Variants in PIBF1 observed in about 807,000 individuals in gnomAD.
PIBF1 encodes progesterone immunomodulatory binding factor 1, also known as progesterone-induced-blocking factor 1.
A neutral mutation model predicts 112.5 loss-of-function variants in PIBF1; 90 were observed. That is an observed-to-expected ratio of 0.80 (90% CI 0.67 to 0.95). The LOEUF (loss-of-function observed/expected upper bound fraction) is 0.95, where lower values mean the gene tolerates loss of function less well. Ranked by LOEUF, PIBF1 falls within the 40% of genes least tolerant of loss-of-function variation. PIBF1 has a pLI of 0.00. For missense variants in PIBF1, 915 were observed against 852.3 expected, an observed-to-expected ratio of 1.07 and a Z score of -0.92; for synonymous variants, 301 against 288.6, an observed-to-expected ratio of 1.04 and a Z score of -0.44.
rs2138695218 is a variant in PIBF1, at chr13:72,917,139, C to T, written c.1703C>T (p.Thr568Ile). Reference protein sequence around the residue: ...FSYGYGANVPTTAKRRLKQSV... With the variant: ...FSYGYGANVPITAKRRLKQSV... ...TACGGCTATGGTGCTAATGTTCCCA[C>T]AACAGCCAAAAGACGACTAAAGCAA... The change falls in exon 13 of 18, where the codon ACA (threonine) becomes ATA (isoleucine). Residue 568 changes from threonine to isoleucine, a missense_variant. Transcript: ENST00000326291. The T allele has an allele frequency of 2.5e-6, 4 of 1,590,918 alleles. No homozygotes were observed. The highest frequency in any genetic ancestry group is 3.4e-6 in the Non-Finnish European group (4 of 1,168,788).
chr13:72,830,933 C>T (rs1048266495), intron 8 of PIBF1, among the ~76,000 whole-genome samples: 1 of 151,858 alleles, frequency 6.6e-6, no homozygotes, highest in Non-Finnish European at 1.5e-5. Context: ...GCTATTACTG[C>T]CTCAATTTCA....
chr13:72,844,772 C>T (rs2037781184), intron 9 of PIBF1, among the ~76,000 whole-genome samples: 1 of 115,140 alleles, frequency 8.7e-6, no homozygotes, highest in Non-Finnish European at 1.9e-5. Context: ...CACACACACA[C>T]ACACACACAC....
At chr13:72,997,140 G>A (rs1352695286) in intron 16 of PIBF1, among the ~76,000 whole-genome samples, 4 of 152,106 alleles carry the variant, frequency 2.6e-5, no homozygotes, top group South Asian at 4.1e-4. Context: ...TTTTGGAGGG[G>A]ATTTTTGCTC....
chr13:72,858,738 A>G (rs537583425), intron 10 of PIBF1, among the ~76,000 whole-genome samples: 1 of 152,182 alleles, frequency 6.6e-6, no homozygotes, highest in Admixed American at 6.5e-5. Flanking sequence ...AATTTAAACA[A>G]AGAGTGGTTA....
intron 16 of PIBF1, among the ~76,000 whole-genome samples, chr13:72,985,647 A>G (rs893679413): frequency 2.0e-5 from 3 of 152,234 alleles, no homozygotes; most frequent in African/African-American, 7.2e-5. Flanking sequence ...CATATTGGCA[A>G]TATCTTGTTG....
chr13:72,858,022 A>ATTGCTTT lies in PIBF1; in HGVS notation c.1322+3870_1322+3871insCTTTTTG, dbSNP rs141764023. Among the ~76,000 whole-genome samples, 933 of 139,836 alleles carry ATTGCTTT rather than the reference A, an allele frequency of 6.7e-3. 7 individuals carry two copies. The highest frequency in any genetic ancestry group is 9.0e-3 in the Admixed American group (127 of 14,158). The allele number at this position is 139,836 out of a possible 152,430, so 91.7% of individuals were successfully genotyped here. On this transcript the variant is annotated intron_variant, in intron 10 of 17. Coordinates refer to ENST00000326291, the MANE Select transcript of PIBF1 (RefSeq NM_006346.4). ...ATACCTATCAGAAGTACAAATGTAC[A>ATTGCTTT]TTGTGTGTGTGTGTGTGTGTGTGTG...
chr13:72,793,490 T>C (rs1243010402), intron 3 of PIBF1, among the ~76,000 whole-genome samples: 2 of 152,196 alleles, frequency 1.3e-5, no homozygotes, highest in Non-Finnish European at 2.9e-5. Context: ...GTCCTGAGAA[T>C]GTGCATTTTT....
At chr13:72,944,959 T>C (rs1457106160) in intron 14 of PIBF1, among the ~76,000 whole-genome samples, 5 of 152,046 alleles carry the variant, frequency 3.3e-5, no homozygotes, top group Non-Finnish European at 5.9e-5. Flanking sequence ...GGGTATATTA[T>C]GTGATGGTAA....
intron 16 of PIBF1, among the ~76,000 whole-genome samples, chr13:72,995,957 A>AAG (rs1487675323): frequency 1.3e-5 from 2 of 151,204 alleles, no homozygotes; most frequent in Non-Finnish European, 2.9e-5. Context: ...TCAAAAAAAA[A>AAG]AAGAAAAGAA....
At chr13:72,917,732 G>A (rs550624355) in intron 13 of PIBF1, among the ~76,000 whole-genome samples, 4 of 152,166 alleles carry the variant, frequency 2.6e-5, no homozygotes, top group Non-Finnish European at 4.4e-5. Flanking sequence ...AAATATTCGC[G>A]AAAAGAATGG....
chr13:72,796,997 C>T (rs910818684), intron 4 of PIBF1, among the ~76,000 whole-genome samples: 2 of 152,122 alleles, frequency 1.3e-5, no homozygotes, highest in Non-Finnish European at 2.9e-5. Context: ...CCCCTAATTA[C>T]TCTCTCCTAA....
chr13:72,977,440 T>A (rs904420580), intron 16 of PIBF1, among the ~76,000 whole-genome samples: 1 of 152,170 alleles, frequency 6.6e-6, no homozygotes, highest in East Asian at 1.9e-4. Context: ...ACTCCTGACC[T>A]CAGGCAATCC....
intron 17 of PIBF1, among the ~76,000 whole-genome samples, chr13:73,008,009 A>T (rs963304146): frequency 6.6e-6 from 1 of 152,216 alleles, no homozygotes; most frequent in Non-Finnish European, 1.5e-5. Flanking sequence ...TATACATTTT[A>T]TGAAAATCAG....
chr13:72,934,266 A>G (rs1357912797), intron 14 of PIBF1, among the ~76,000 whole-genome samples: 1 of 152,104 alleles, frequency 6.6e-6, no homozygotes, highest in East Asian at 1.9e-4. Flanking sequence ...ACAGATGGAA[A>G]TTATCTCAGG....
intron 11 of PIBF1, among the ~76,000 whole-genome samples, chr13:72,903,018 C>T (rs1441127355): frequency 1.3e-5 from 2 of 151,926 alleles, no homozygotes; most frequent in African/African-American, 4.8e-5. Flanking sequence ...ACCTCAGCCT[C>T]CCGAGTAGCT....
intron 9 of PIBF1, among the ~76,000 whole-genome samples, chr13:72,851,598 G>A (rs1365755479): frequency 6.6e-6 from 1 of 152,368 alleles, no homozygotes; most frequent in African/African-American, 2.4e-5. Flanking sequence ...CAGGAGGCAG[G>A]CTGGCTTCTG....
At chr13:72,985,982 C>G (rs765251580) in intron 16 of PIBF1, among the ~76,000 whole-genome samples, 73 of 151,768 alleles carry the variant, frequency 4.8e-4, no homozygotes, top group Non-Finnish European at 1.0e-3. Flanking sequence ...GAGACTCCAT[C>G]TCTAGAAAAA....
chr13:72,895,179 TAATC>T (rs1370252785), intron 11 of PIBF1, among the ~76,000 whole-genome samples: 2 of 151,990 alleles, frequency 1.3e-5, no homozygotes, highest in Non-Finnish European at 2.9e-5. Flanking sequence ...CTTTGGGAAT[TAATC>T]TGTTAATCTG....
intron 13 of PIBF1, among the ~76,000 whole-genome samples, chr13:72,918,381 C>CAATTTTTT (rs1566446329): frequency 7.6e-6 from 1 of 131,742 alleles, no homozygotes; most frequent in Non-Finnish European, 1.6e-5. Context: ...CAGCAACTAC[C>CAATTTTTT]TATTTTTTTT....
Sources: gnomAD v4.1 joint callset for allele counts (sites outside exome capture counted in the v4.1 genomes callset) on GRCh38, gnomAD v4.1.1 for gene constraint, MANE v1.5 for transcripts, NCBI Gene and HGNC (gene_info 2026-07-23, HGNC 2026-07-21) for gene names.